RNF13: variants seen among roughly 807,000 people sequenced by gnomAD.
The protein encoded by RNF13 is E3 ubiquitin-protein ligase RNF13.
A neutral mutation model predicts 37.7 loss-of-function variants in RNF13; 19 were observed. That is an observed-to-expected ratio of 0.50 (90% confidence interval 0.35 to 0.74). RNF13 has a LOEUF of 0.74. Ranked by LOEUF, RNF13 falls within the 30% of genes least tolerant of loss-of-function variation. The probability of loss-of-function intolerance (pLI) is 0.01; values close to 1 mark genes in which losing one functional copy is unlikely to be tolerated. For missense variants in RNF13, 375 were observed against 453.0 expected, an observed-to-expected ratio of 0.83 and a Z score of 1.56; for synonymous variants, 144 against 157.8, an observed-to-expected ratio of 0.91 and a Z score of 0.65.
At chr3:149,947,435 C>A (rs367655763) in intron 8 of RNF13, among the ~76,000 whole-genome samples, 33 of 149,978 alleles carry the variant, frequency 2.2e-4, no homozygotes, top group African/African-American at 8.1e-4. Flanking sequence ...GGCGGAGTTT[C>A]GCTCTTTTGC....
At chr3:149,891,944 C>A (rs1176438287) in intron 4 of RNF13, among the ~76,000 whole-genome samples, 2 of 152,182 alleles carry the variant, frequency 1.3e-5, no homozygotes, top group African/African-American at 4.8e-5. Context: ...TTTTATAGTT[C>A]ATAAACATGG....
At chr3:149,835,633 T>TTGTGTGTGTGTGTGTGTGTGTG (rs3039646) in intron 1 of RNF13, among the ~76,000 whole-genome samples, 5 of 138,744 alleles carry the variant, frequency 3.6e-5, no homozygotes, top group African/African-American at 1.3e-4. Flanking sequence ...TAGTATTCCA[T>TTGTGTGTGTGTGTGTGTGTGTG]TGTGTGTGTG....
At chr3:149,930,948 T>A (rs569012347) in intron 8 of RNF13, among the ~76,000 whole-genome samples, 1 of 152,298 alleles carries the variant, frequency 6.6e-6, no homozygotes, top group East Asian at 1.9e-4. Context: ...GTGTCTTTTG[T>A]CTCTTTTTCT....
rs1451039802 is a variant in RNF13 at position 149,852,489 on chromosome 3, CTTGAATATT to C, written c.115-25_115-17del. 9 of 1,167,908 alleles carry C rather than the reference CTTGAATATT, an allele frequency of 7.7e-6. No individual in the cohort carries two copies. The highest frequency in any genetic ancestry group is 1.1e-5 in the Non-Finnish European group (9 of 820,492). 72.3% of individuals were successfully genotyped at this position (1,167,908 alleles called of 1,614,324 possible). A position where few individuals can be genotyped will look rare whatever the true frequency, so the allele number is the denominator to read the frequency against. ...AATGTTATATATAAATTGGTCTTAA[CTTGAATATT>C]TAAAATTTTATTTTTAGTATAACTT... On this transcript the variant is annotated intron_variant, in intron 2 of 9. Coordinates refer to ENST00000392894, the MANE Select transcript of RNF13 (RefSeq NM_183381.3).
At chr3:149,857,115 G>A (rs1241080931) in intron 3 of RNF13, among the ~76,000 whole-genome samples, 1 of 152,226 alleles carries the variant, frequency 6.6e-6, no homozygotes, top group African/African-American at 2.4e-5. Flanking sequence ...TCTAATTTAT[G>A]TTCTATATTT....
At chr3:149,908,439 G>T (rs1559943275) in intron 6 of RNF13, among the ~76,000 whole-genome samples, 1 of 152,164 alleles carries the variant, frequency 6.6e-6, no homozygotes, top group Non-Finnish European at 1.5e-5. Context: ...CCTAGCACCA[G>T]GCCCATTGAC....
chr3:149,890,806 C>T (rs1714619714), intron 4 of RNF13, among the ~76,000 whole-genome samples: 1 of 152,130 alleles, frequency 6.6e-6, no homozygotes. Context: ...CACCTTTTCC[C>T]ACTGTTAACC....
chr3:149,914,374 T>C (rs1331666926), intron 7 of RNF13, among the ~76,000 whole-genome samples: 2 of 152,144 alleles, frequency 1.3e-5, no homozygotes, highest in Non-Finnish European at 2.9e-5. Flanking sequence ...TATAGATTTT[T>C]ATATATTAAT....
At position 149,948,140 on chromosome 3, in the gene RNF13, G is replaced by A. The variant is rs141990614; in HGVS notation, c.701-11916G>A. Among the ~76,000 whole-genome samples, 492 of 152,078 alleles carry A rather than the reference G, an allele frequency of 3.2e-3. 2 individuals carry two copies. Among genetic ancestry groups the A allele is most frequent in the African/African-American group, 0.012 (482 of 41,468 alleles). On this transcript the variant is annotated intron_variant, in intron 8 of 9. Transcript: ENST00000392894. ...AATTTTTTGTATTTTTAGTAGAGATGGGGTTTCACCATGCTGGCCAGGCTG... is the reference window on the plus strand; with the variant it reads ...AATTTTTTGTATTTTTAGTAGAGATAGGGTTTCACCATGCTGGCCAGGCTG...
Position 149,846,196 on chromosome 3 carries a change from A to G in RNF13, c.114+56A>G, listed in dbSNP as rs1722627928. The G allele has an allele frequency of 3.4e-6, 4 of 1,159,628 alleles. No individual in the cohort carries two copies. The South Asian group carries it at 5.2e-5, about 15-fold the overall frequency. 71.8% of individuals were successfully genotyped at this position (1,159,628 alleles called of 1,614,324 possible). A position where few individuals can be genotyped will look rare whatever the true frequency, so the allele number is the denominator to read the frequency against. The stretch of plus-strand genomic sequence containing the variant: ...AAACATCCCTTAAAGAAAAGCTTAA[A>G]AAAAGCCTGGAATGATATTTATAAG... On this transcript the variant is annotated intron_variant, in intron 2 of 9. Coordinates refer to ENST00000392894, the MANE Select transcript of RNF13 (RefSeq NM_183381.3).
chr3:149,842,225 C>T (rs1312234027), intron 1 of RNF13, among the ~76,000 whole-genome samples: 1 of 152,008 alleles, frequency 6.6e-6, no homozygotes, highest in Non-Finnish European at 1.5e-5. Flanking sequence ...GTGTGGAGCT[C>T]GAGATCTTTA....
intron 4 of RNF13, among the ~76,000 whole-genome samples, chr3:149,886,701 T>C (rs1233110316): frequency 1.3e-5 from 2 of 152,206 alleles, no homozygotes; most frequent in African/African-American, 4.8e-5. Context: ...GCATTAAGTC[T>C]TTTAACCTGA....
chr3:149,958,356 ACCCTTCTTCC>A, intron 8 of RNF13, among the ~76,000 whole-genome samples: 1 of 151,898 alleles, frequency 6.6e-6, no homozygotes, highest in Non-Finnish European at 1.5e-5. Flanking sequence ...TTGACTTGTG[ACCCTTCTTCC>A]CCCTATCTTC....
chr3:149,916,998 A>G (rs1717590612), intron 7 of RNF13, among the ~76,000 whole-genome samples: 1 of 152,160 alleles, frequency 6.6e-6, no homozygotes, highest in African/African-American at 2.4e-5. Context: ...CTTAAATTTA[A>G]AAGTTTTTCA....
intron 2 of RNF13, chr3:149,851,768 C>T (rs1396973270): frequency 5.9e-5 from 9 of 152,168 alleles, no homozygotes; most frequent in Admixed American, 3.3e-4. Context: ...TCATCCATTT[C>T]CCTTGTTTCT....
intron 1 of RNF13, among the ~76,000 whole-genome samples, chr3:149,832,153 A>G (rs1195301284): frequency 6.6e-6 from 1 of 152,130 alleles, no homozygotes; most frequent in Non-Finnish European, 1.5e-5. Flanking sequence ...TCTGTTCGCA[A>G]ATTAGGAAAA....
chr3:149,946,368 G>A (rs185846756), intron 8 of RNF13, among the ~76,000 whole-genome samples: 5 of 152,328 alleles, frequency 3.3e-5, no homozygotes, highest in Non-Finnish European at 1.5e-5. Context: ...CAAAGAGTTT[G>A]AGAAGGATTA....
Position 149,865,491 on chromosome 3 carries a change from A to T in RNF13, c.196-6538A>T, listed in dbSNP as rs571935785. On this transcript the variant is annotated intron_variant, in intron 3 of 9. Transcript: ENST00000392894. ...CCTGTTTCGTTTTTTTGAGAGAGAGAGTCTCACTCTGTTTCCCAAGATGAA... is the reference window on the plus strand; with the variant it reads ...CCTGTTTCGTTTTTTTGAGAGAGAGTGTCTCACTCTGTTTCCCAAGATGAA... 8.0e-4 allele frequency among the ~76,000 whole-genome samples: 121 copies of T among 151,862 alleles called. 2 individuals are homozygous for T. In the East Asian group the frequency reaches 0.021, roughly 27 times the overall value.
rs150508071 is a variant in RNF13 at position 149,839,932 on chromosome 3, T to C, written c.-16-6079T>C. On this transcript the variant is annotated intron_variant, in intron 1 of 9. Coordinates refer to ENST00000392894, the MANE Select transcript of RNF13 (RefSeq NM_183381.3). ...GCCATTTCCTCATTCTGTCCTCTTG[T>C]ACTGTCTCTGTTTATTGTGTTGAAT... 2.8e-3 allele frequency among the ~76,000 whole-genome samples: 432 copies of C among 152,348 alleles called. 2 individuals are homozygous for C. Among genetic ancestry groups the C allele is most frequent in the Non-Finnish European group, 4.5e-3 (309 of 68,030 alleles).
Sources: gnomAD v4.1 joint callset for allele counts (sites outside exome capture counted in the v4.1 genomes callset) on GRCh38, gnomAD v4.1.1 for gene constraint, MANE v1.5 for transcripts, NCBI Gene and HGNC (gene_info 2026-07-23, HGNC 2026-07-21) for gene names.